RDH13: variants seen among roughly 807,000 people sequenced by gnomAD.
RDH13 encodes retinol dehydrogenase 13 (all-trans and 9-cis).
Under a neutral mutation model 28.3 loss-of-function variants are expected in RDH13, and 35 were observed. The ratio of observed to expected loss-of-function variants is 1.24; its 90% CI spans 0.95 to 1.64. The LOEUF is 1.64. Ranked by LOEUF, RDH13 falls within the 40% of genes most tolerant of loss-of-function variation. RDH13 has a pLI of 0.00. For synonymous variants in RDH13, 229 were observed against 198.5 expected, an observed-to-expected ratio of 1.15 and a Z score of -1.29; for missense variants, 514 against 446.3, an observed-to-expected ratio of 1.15 and a Z score of -1.37.
At chr19:55,058,044 G>A (rs958346487) in intron 2 of RDH13, among the ~76,000 whole-genome samples, 8 of 142,974 alleles carry the variant, frequency 5.6e-5, no homozygotes, top group Non-Finnish European at 1.1e-4. Context: ...CAAAAGTGCT[G>A]GAATTATAGA....
intron 6 of RDH13, among the ~76,000 whole-genome samples, chr19:55,045,520 C>A (rs1337610178): frequency 6.6e-6 from 1 of 152,174 alleles, no homozygotes; most frequent in Non-Finnish European, 1.5e-5. Flanking sequence ...GCTGCCTCCC[C>A]CAAGGAGCCT....
chr19:55,039,329 C>G (rs1654434), downstream of RDH13: 3 of 152,072 alleles, frequency 2.0e-5, no homozygotes, highest in Non-Finnish European at 4.4e-5. Context: ...GTCAGGAGTC[C>G]GAGACCAGCC....
Position 55,047,179 on chromosome 19 carries a change from A to G in RDH13, c.760+208T>C, listed in dbSNP as rs145497884. On this transcript the variant is annotated intron_variant, in intron 6 of 6. Coordinates refer to ENST00000415061, the MANE Select transcript of RDH13 (RefSeq NM_001145971.2). Reference sequence around the variant, plus strand: ...AGACACGGTTTTCTCATCCGCCAGCAGGGCTCTGCCTGCTTCCCGGGGCTG... The same window carrying G: ...AGACACGGTTTTCTCATCCGCCAGCGGGGCTCTGCCTGCTTCCCGGGGCTG... The G allele has an allele frequency of 1.7e-3, 2,417 of 1,397,060 alleles. 30 individuals carry two copies. In the African/African-American group the frequency reaches 0.026, roughly 15 times the overall value. 86.5% of individuals were successfully genotyped at this position (1,397,060 alleles called of 1,614,324 possible). A position where few individuals can be genotyped will look rare whatever the true frequency, so the allele number is the denominator to read the frequency against.
At chr19:55,065,108 G>A (rs2075936647), upstream of RDH13, among the ~76,000 whole-genome samples, 1 of 151,206 alleles carries the variant, frequency 6.6e-6, no homozygotes, top group Non-Finnish European at 1.5e-5. Context: ...ATTTTAGACT[G>A]GGCATGGTGG....
chr19:55,059,046 T>A (rs1345187874), intron 2 of RDH13, 111 bp downstream of exon 2: 1 of 693,382 alleles, frequency 1.4e-6, no homozygotes, highest in African/African-American at 1.8e-5. Flanking sequence ...GTTTCCCTGT[T>A]CATCTGTGGA....
Position 55,045,239 on chromosome 19 carries a change from C to T in RDH13, c.831G>A (p.Ala277=), listed in dbSNP as rs202238374. 5.0e-5 allele frequency: 80 copies of T among 1,613,426 alleles called. No individual in the cohort carries two copies. Among genetic ancestry groups the T allele is most frequent in the East Asian group, 2.5e-4 (11 of 44,878 alleles). The part of the protein sequence containing the change: ...AAQPSTYLAV[A]EELADVSGKY... ...TTCCGGAAACATCCGCCAGTTCCTC[C>T]GCCACGGCCAGGTATGTGCTGGGCT... Residue 277 remains alanine, a synonymous_variant, in exon 7 of 7, where the codon GCG becomes GCA. Coordinates refer to ENST00000415061, the MANE Select transcript of RDH13 (RefSeq NM_001145971.2).
chr19:55,051,430 C>T (rs548522475), intron 3 of RDH13, among the ~76,000 whole-genome samples: 1,808 of 146,058 alleles, frequency 0.012, 25 homozygotes, highest in Non-Finnish European at 0.016. Context: ...GGTTTTTTTT[C>T]TTTTTTTTTT....
In RDH13 at chr19:55,047,472, G is replaced by A. The variant is rs2075276714; in HGVS notation, c.675C>T (p.Val225=). The A allele has an allele frequency of 6.2e-7, 1 of 1,608,008 alleles. No individual in the cohort carries two copies. Among genetic ancestry groups the A allele is most frequent in the Admixed American group, 1.7e-5 (1 of 59,876 alleles). Residue 225 remains valine, a synonymous_variant, in exon 6 of 7, where the codon GTC becomes GTT. Coordinates refer to ENST00000415061, the MANE Select transcript of RDH13 (RefSeq NM_001145971.2). The part of the protein sequence containing the change: ...SRRLQGSGVT[V]NALHPGVART... Reference sequence around the variant, plus strand: ...TGGCCACGCCGGGGTGCAGGGCGTTGACAGTCACACCAGAGCCTGGGGAAG... The same window carrying A: ...TGGCCACGCCGGGGTGCAGGGCGTTAACAGTCACACCAGAGCCTGGGGAAG...
chr19:55,062,828 G>A, intron 1 of RDH13, 140 bp downstream of exon 1: 1 of 693,552 alleles, frequency 1.4e-6, no homozygotes, highest in Non-Finnish European at 2.2e-6. Flanking sequence ...GCGCAGGTTT[G>A]CCCCACTCCG....
At chr19:55,061,070 C>A (rs2075793928) in intron 1 of RDH13, among the ~76,000 whole-genome samples, 3 of 152,120 alleles carry the variant, frequency 2.0e-5, no homozygotes, top group Admixed American at 6.6e-5. Flanking sequence ...CCACTCTTGG[C>A]CCCGCCTCCA....
At chr19:55,045,655 T>C (rs567208532) in intron 6 of RDH13, among the ~76,000 whole-genome samples, 1 of 151,792 alleles carries the variant, frequency 6.6e-6, no homozygotes, top group Non-Finnish European at 1.5e-5. Flanking sequence ...AGGTTAAGGA[T>C]CTTTTTTTGG....
intron 3 of RDH13, among the ~76,000 whole-genome samples, chr19:55,052,230 G>A (rs2075468120): frequency 6.6e-6 from 1 of 151,888 alleles, no homozygotes; most frequent in Admixed American, 6.6e-5. Context: ...CCAACATGGT[G>A]AAACCCTGTC....
chr19:55,056,062 G>C (rs1209772598), intron 3 of RDH13, among the ~76,000 whole-genome samples: 1 of 152,166 alleles, frequency 6.6e-6, no homozygotes, highest in Non-Finnish European at 1.5e-5. Context: ...GCTGAAGCAG[G>C]AGAATCATTT....
chr19:55,043,711 C>T (rs1408492621), downstream of RDH13, among the ~76,000 whole-genome samples: 2 of 152,048 alleles, frequency 1.3e-5, no homozygotes, highest in African/African-American at 4.8e-5. Flanking sequence ...CCTGGCCTCC[C>T]CAGTATCTCA....
chr19:55,055,475 C>T (rs988867210), intron 3 of RDH13, among the ~76,000 whole-genome samples: 1 of 152,000 alleles, frequency 6.6e-6, no homozygotes, highest in African/African-American at 2.4e-5. Context: ...CTTTACATTG[C>T]AGTATTTTAT....
intron 2 of RDH13, among the ~76,000 whole-genome samples, chr19:55,058,736 C>T (rs141313731): frequency 4.6e-5 from 7 of 152,108 alleles, no homozygotes; most frequent in East Asian, 3.9e-4. Context: ...GCTGGAGTGC[C>T]GTGGCGCCAT....
At chr19:55,066,812 G>T (rs1293441582), upstream of RDH13, among the ~76,000 whole-genome samples, 3 of 151,828 alleles carry the variant, frequency 2.0e-5, no homozygotes, top group Non-Finnish European at 4.4e-5. Flanking sequence ...TGTAAGGTAA[G>T]TTTAGCGACC....
At chr19:55,065,983 G>T (rs1205480354), upstream of RDH13, among the ~76,000 whole-genome samples, 3 of 152,214 alleles carry the variant, frequency 2.0e-5, no homozygotes, top group Non-Finnish European at 4.4e-5. Flanking sequence ...CTCCCAAAGT[G>T]CTGGGATTAC....
In RDH13 at chr19:55,048,483, C is replaced by A; in HGVS notation, c.504G>T (p.Arg168=). 6.2e-7 allele frequency: 1 copy of A among 1,614,228 alleles called. No individual in the cohort carries two copies. The highest frequency in any genetic ancestry group is 8.5e-7 in the Non-Finnish European group (1 of 1,180,048). ...GGGCCAGGGACGAGAGGTTGATGAT[C>A]CGCGAAGGGGCTGAGGCTTTCAGCT... The part of the protein sequence containing the change: ...LDKLKASAPS[R]IINLSSLAHV... The change falls in exon 5 of 7, where the codon CGG becomes CGT. Residue 168 remains arginine, a synonymous_variant. Coordinates refer to ENST00000415061, the MANE Select transcript of RDH13 (RefSeq NM_001145971.2).
Sources: allele counts gnomAD v4.1 joint callset (sites outside exome capture counted in the v4.1 genomes callset), GRCh38; gene constraint gnomAD v4.1.1; transcripts MANE v1.5; gene names NCBI Gene and HGNC (gene_info 2026-07-23, HGNC 2026-07-21).